RHOQ: variants seen among roughly 807,000 people sequenced by gnomAD.
RHOQ encodes the protein ras homolog family member Q.
In RHOQ, 7 loss-of-function variants were observed where a neutral mutation model predicts 25.8. The ratio of observed to expected loss-of-function variants is 0.27; its 90% CI spans 0.15 to 0.51. RHOQ has a LOEUF of 0.51. RHOQ is among the 20% of genes least tolerant of loss of function. The probability of loss-of-function intolerance (pLI) is 0.97; values close to 1 mark genes in which losing one functional copy is unlikely to be tolerated. For synonymous variants in RHOQ, 97 were observed against 98.6 expected (o/e 0.98, Z 0.10); for missense variants, 165 against 260.6 (o/e 0.63, Z 2.53).
intron 2 of RHOQ, among the ~76,000 whole-genome samples, chr2:46,554,745 C>T (rs559466371): frequency 9.2e-5 from 14 of 151,696 alleles, no homozygotes; most frequent in Non-Finnish European, 1.8e-4. Context: ...TCTCCCCTCC[C>T]TTTATTCTCC....
At chr2:46,545,370 C>T (rs1668012013) in intron 2 of RHOQ, among the ~76,000 whole-genome samples, 2 of 152,208 alleles carry the variant, frequency 1.3e-5, no homozygotes, top group Admixed American at 6.5e-5. Flanking sequence ...TTTCTCTTAT[C>T]TCCTTTACTT....
chr2:46,554,825 A>C (rs1439919427), intron 2 of RHOQ, among the ~76,000 whole-genome samples: 2 of 151,112 alleles, frequency 1.3e-5, no homozygotes, highest in Admixed American at 6.6e-5. Flanking sequence ...CCAATCTAGA[A>C]AACCCATCCT....
chr2:46,570,233 G>A (rs768260409), intron 2 of RHOQ, among the ~76,000 whole-genome samples: 3 of 152,152 alleles, frequency 2.0e-5, no homozygotes, highest in Non-Finnish European at 4.4e-5. Flanking sequence ...AGGGTCAAGA[G>A]ATTGAGACCC....
chr2:46,548,469 T>C lies in RHOQ; in HGVS notation c.201+4657T>C, dbSNP rs1270734189. 6.6e-6 allele frequency among the ~76,000 whole-genome samples: 1 copy of C among 152,186 alleles called. No homozygotes were observed. The highest frequency in any genetic ancestry group is 1.5e-5 in the Non-Finnish European group (1 of 68,032). ...GTCATCCTCACAACACCCTTCAAGG[T>C]AGACTTCTCCCAGATGAGGAAATTG... On this transcript the variant is annotated intron_variant, in intron 2 of 4. Coordinates refer to ENST00000238738, the MANE Select transcript of RHOQ (RefSeq NM_012249.4). The surrounding 1 kb of genome is among the most constrained non-coding windows in gnomAD (Gnocchi z 5.2).
chr2:46,577,303 T>C (rs1669162300), intron 4 of RHOQ, among the ~76,000 whole-genome samples: 1 of 152,092 alleles, frequency 6.6e-6, no homozygotes, highest in African/African-American at 2.4e-5. Flanking sequence ...CTTTTTCCCC[T>C]TTTTTCCCAT....
rs1339257396 is a variant in RHOQ, at chr2:46,543,011, C to CG, written c.-30dup. 3.3e-6 allele frequency: 5 copies of CG among 1,501,424 alleles called. No homozygotes were observed. The highest frequency in any genetic ancestry group is 3.6e-6 in the Non-Finnish European group (4 of 1,124,648). 93.0% of individuals were successfully genotyped at this position (1,501,424 alleles called of 1,614,324 possible). On this transcript the variant is annotated 5_prime_UTR_variant, in exon 1 of 5. Coordinates refer to ENST00000238738, the MANE Select transcript of RHOQ (RefSeq NM_012249.4). Reference sequence around the variant, plus strand: ...GAGCCCGGGGCCGGGGCGGGGGCTCCGGGGGGACCATGCCCGGAGGCCGGC... The same window carrying CG: ...GAGCCCGGGGCCGGGGCGGGGGCTCCGGGGGGGACCATGCCCGGAGGCCGGC...
intron 2 of RHOQ, among the ~76,000 whole-genome samples, chr2:46,544,734 G>A (rs973471338): frequency 2.6e-5 from 4 of 152,218 alleles, no homozygotes; most frequent in African/African-American, 7.2e-5. Flanking sequence ...GTTTCCACAT[G>A]TCATACAGAC....
chr2:46,543,570 A>G (rs1378719864), intron 1 of RHOQ, 184 bp from the exon 2 acceptor site: 10 of 630,290 alleles, frequency 1.6e-5, no homozygotes, highest in Non-Finnish European at 2.9e-5. Context: ...GGACCACATC[A>G]CACCCCGGCC....
At chr2:46,543,557 T>C (rs1572730017) in intron 1 of RHOQ, 197 bp from the exon 2 acceptor site, 1 of 618,534 alleles carries the variant, frequency 1.6e-6, no homozygotes, top group Non-Finnish European at 2.9e-6. Flanking sequence ...GGTGGACGGC[T>C]GGGGACCACA....
rs905323800 is a variant in RHOQ at position 46,552,432 on chromosome 2, C to T, written c.201+8620C>T. ...GCTTTAGCCTGCAAATGACGGGTGTCGTTTGTGTCCCATGGGGGCTACCTC... is the reference window on the plus strand; with the variant it reads ...GCTTTAGCCTGCAAATGACGGGTGTTGTTTGTGTCCCATGGGGGCTACCTC... On this transcript the variant is annotated intron_variant, in intron 2 of 4. Coordinates refer to ENST00000238738, the MANE Select transcript of RHOQ (RefSeq NM_012249.4). The surrounding 1 kb of genome is among the most constrained non-coding windows in gnomAD (Gnocchi z 5.0). Among the ~76,000 whole-genome samples the T allele has an allele frequency of 6.6e-6, 1 of 152,228 alleles. No individual in the cohort carries two copies. Among genetic ancestry groups the T allele is most frequent in the African/African-American group, 2.4e-5 (1 of 41,454 alleles).
chr2:46,555,226 G>A lies in RHOQ; in HGVS notation c.201+11414G>A, dbSNP rs1320536796. 2.6e-5 allele frequency among the ~76,000 whole-genome samples: 4 copies of A among 152,200 alleles called. No homozygotes were observed. The highest frequency in any genetic ancestry group is 4.4e-5 in the Non-Finnish European group (3 of 68,036). ...CTCTGACTCCGGCCCTCTAGTGGTC[G>A]AGTCCCTCCTTAGAATTTCCACTAA... On this transcript the variant is annotated intron_variant, in intron 2 of 4. Transcript: ENST00000238738. This position sits in a 1 kb window ranked among gnomAD's most constrained non-coding sequence, Gnocchi z 4.3.
intron 2 of RHOQ, among the ~76,000 whole-genome samples, chr2:46,550,549 G>T (rs754974117): frequency 6.6e-6 from 1 of 152,212 alleles, no homozygotes; most frequent in African/African-American, 2.4e-5. Flanking sequence ...CTTGCTCCCA[G>T]ATCCCCTGAG....
rs1040400920 is a variant in RHOQ, at chr2:46,566,191, G to A, written c.202-9896G>A. The stretch of plus-strand genomic sequence containing the variant: ...GATGGTGAATACAGGAGGAGTTGCA[G>A]TTTTGATTGGGAAGAAATGAATTTA... On this transcript the variant is annotated intron_variant, in intron 2 of 4. Transcript: ENST00000238738. The surrounding 1 kb of genome is among the most constrained non-coding windows in gnomAD (Gnocchi z 4.2). Among the ~76,000 whole-genome samples the A allele has an allele frequency of 6.6e-6, 1 of 152,194 alleles. No individual in the cohort carries two copies. Among genetic ancestry groups the A allele is most frequent in the East Asian group, 1.9e-4 (1 of 5,196 alleles).
rs931617390 is a variant in RHOQ at position 46,572,246 on chromosome 2, G to T, written c.202-3841G>T. 8.6e-5 allele frequency among the ~76,000 whole-genome samples: 13 copies of T among 151,490 alleles called. No individual in the cohort carries two copies. In the East Asian group the frequency reaches 1.2e-3, roughly 14 times the overall value. ...GCCTCCTGAGTAGCTGGGACTGCAG[G>T]CATGTGCCACCATGCCCAGCTAATT... On this transcript the variant is annotated intron_variant, in intron 2 of 4. Transcript: ENST00000238738.
At chr2:46,573,267 T>C (rs548286175) in intron 2 of RHOQ, among the ~76,000 whole-genome samples, 5 of 152,150 alleles carry the variant, frequency 3.3e-5, no homozygotes, top group Non-Finnish European at 4.4e-5. Context: ...TTTCACCACA[T>C]TGGCCAGGCT....
At position 46,580,949 on chromosome 2, in the gene RHOQ, G is replaced by T. The variant is rs1669342905; in HGVS notation, c.484G>T (p.Glu162Ter). The T allele has an allele frequency of 6.5e-7, 1 of 1,528,298 alleles. No homozygotes were observed. Among genetic ancestry groups the T allele is most frequent in the Non-Finnish European group, 8.7e-7 (1 of 1,143,920 alleles). 94.7% of individuals were successfully genotyped at this position (1,528,298 alleles called of 1,614,324 possible). A position where few individuals can be genotyped will look rare whatever the true frequency, so the allele number is the denominator to read the frequency against. The change falls in exon 5 of 5, where the codon GAA (glutamate) becomes TAA (stop). Residue 162 changes from glutamate (E) to a stop codon, truncating the protein, a stop_gained. Coordinates refer to ENST00000238738, the MANE Select transcript of RHOQ (RefSeq NM_012249.4). LOFTEE classifies it high-confidence loss of function. ...AKEIGACCYVECSALTQKGLK... is the reference protein window; with the variant it reads ...AKEIGACCYV ...CCAGATAGGAGCATGCTGCTATGTG[G>T]AATGTTCAGCTTTAACCCAGAAGGG...
rs1032746934 is a variant in RHOQ at position 46,552,673 on chromosome 2, G to A, written c.201+8861G>A. On this transcript the variant is annotated intron_variant, in intron 2 of 4. Transcript: ENST00000238738. This position sits in a 1 kb window ranked among gnomAD's most constrained non-coding sequence, Gnocchi z 5.0. The stretch of plus-strand genomic sequence containing the variant: ...TGCCTGGCTGCTTCCTGTGGTGGCT[G>A]GCAAGCCTAGAAGAGAACATTCATC... Among the ~76,000 whole-genome samples, 1 of 152,224 alleles carries A rather than the reference G, an allele frequency of 6.6e-6. No individual in the cohort carries two copies. The highest frequency in any genetic ancestry group is 2.4e-5 in the African/African-American group (1 of 41,454).
At chr2:46,557,423 G>T (rs1430934575) in intron 2 of RHOQ, among the ~76,000 whole-genome samples, 1 of 152,164 alleles carries the variant, frequency 6.6e-6, no homozygotes, top group Non-Finnish European at 1.5e-5. Context: ...AAAGGCTAAT[G>T]ATGTGTTAAG....
chr2:46,554,357 G>C (rs554018373), intron 2 of RHOQ, among the ~76,000 whole-genome samples: 1 of 152,320 alleles, frequency 6.6e-6, no homozygotes, highest in East Asian at 1.9e-4. Flanking sequence ...GGCTCCATTA[G>C]TGTGCTATGT....
Sources: gnomAD v4.1 joint callset for allele counts (sites outside exome capture counted in the v4.1 genomes callset) on GRCh38, gnomAD v4.1.1 for gene constraint, Gnocchi (gnomAD v3.1) non-coding constraint, MANE v1.5 for transcripts, NCBI Gene and HGNC (gene_info 2026-07-23, HGNC 2026-07-21) for gene names.